Variants in ZFHX3 observed in about 807,000 individuals in gnomAD.
ZFHX3 encodes the protein zinc finger homeobox 3.
Under a neutral mutation model 279.1 loss-of-function variants are expected in ZFHX3, and 42 were observed. The observed-to-expected ratio is 0.15, with a 90% CI of 0.12 to 0.19. The LOEUF is 0.19. ZFHX3 is among the 10% of genes least tolerant of loss of function. The pLI, the probability that ZFHX3 is intolerant of heterozygous loss-of-function variation, is 1.00. For synonymous variants in ZFHX3, 2,293 were observed against 1,957.8 expected (o/e 1.17, Z -4.52); for missense variants, 4,981 against 4,754.0 (o/e 1.05, Z -1.40).
At chr16:73,253,157 A>C (rs1371097586) in intron 5 of ZFHX3, among the ~76,000 whole-genome samples, 1 of 152,168 alleles carries the variant, frequency 6.6e-6, no homozygotes, top group Non-Finnish European at 1.5e-5. Flanking sequence ...CGTTTGCTCA[A>C]GGACTCCTCC....
intron 2 of ZFHX3, among the ~76,000 whole-genome samples, chr16:73,664,111 T>C (rs2052811700): frequency 6.6e-6 from 1 of 152,228 alleles, no homozygotes; most frequent in Non-Finnish European, 1.5e-5. Flanking sequence ...AGGAAAGAAG[T>C]GTGAGAAAAA....
chr16:73,246,922 G>T (rs1169953462), intron 5 of ZFHX3, among the ~76,000 whole-genome samples: 2 of 152,134 alleles, frequency 1.3e-5, no homozygotes, highest in African/African-American at 4.8e-5. Flanking sequence ...ACTCCTTCAT[G>T]TATGTGTGTA....
chr16:72,912,529 G>A lies in ZFHX3; in HGVS notation c.3217-22567C>T, dbSNP rs558351290. Among the ~76,000 whole-genome samples, 52 of 152,216 alleles carry A rather than the reference G, an allele frequency of 3.4e-4. 1 individual carries two copies. In the South Asian group the frequency reaches 9.1e-3, roughly 27 times the overall value. ...CTAAAAGGTTGGAAGCTTCTAAGGC[G>A]TATGATCAGAATGGGAGTCAAAAAG... On this transcript the variant is annotated intron_variant, in intron 3 of 9. Transcript: ENST00000268489.
intron 1 of ZFHX3, among the ~76,000 whole-genome samples, chr16:73,017,797 C>T (rs1009108516): frequency 3.3e-5 from 5 of 152,172 alleles, no homozygotes; most frequent in Admixed American, 2.6e-4. Context: ...TAGGGGTAAG[C>T]AGCAAACCAA....
At chr16:73,547,638 C>G (rs553316862) in intron 2 of ZFHX3, among the ~76,000 whole-genome samples, 1 of 152,238 alleles carries the variant, frequency 6.6e-6, no homozygotes, top group African/African-American at 2.4e-5. Flanking sequence ...TTTCATAATA[C>G]AAGGTCGACT....
intron 1 of ZFHX3, among the ~76,000 whole-genome samples, chr16:73,007,255 T>G (rs1963741276): frequency 6.6e-6 from 1 of 152,224 alleles, no homozygotes; most frequent in African/African-American, 2.4e-5. Flanking sequence ...ATCTTCAGCT[T>G]TCTTTTTGTG....
chr16:73,423,932 T>C (rs1332170464), intron 3 of ZFHX3, among the ~76,000 whole-genome samples: 2 of 151,446 alleles, frequency 1.3e-5, no homozygotes, highest in Non-Finnish European at 2.9e-5. Context: ...CAATATTGGG[T>C]CTCTGTGAGA....
intron 2 of ZFHX3, among the ~76,000 whole-genome samples, chr16:73,496,325 G>A (rs1250120349): frequency 6.6e-6 from 1 of 152,222 alleles, no homozygotes; most frequent in Non-Finnish European, 1.5e-5. Flanking sequence ...GAGGTCAGGA[G>A]TTTGAGACCA....
chr16:72,870,785 T>C (rs1021691988), intron 4 of ZFHX3, among the ~76,000 whole-genome samples: 6 of 151,812 alleles, frequency 4.0e-5, no homozygotes, highest in Non-Finnish European at 7.4e-5. Flanking sequence ...ATCTAAGATA[T>C]TCTTTTCATA....
At chr16:73,642,230 C>G (rs866170170) in intron 2 of ZFHX3, among the ~76,000 whole-genome samples, 1 of 152,190 alleles carries the variant, frequency 6.6e-6, no homozygotes, top group African/African-American at 2.4e-5. Context: ...TCCTACTCTA[C>G]GATGGATTCT....
chr16:73,479,140 C>A (rs776322152), intron 2 of ZFHX3, among the ~76,000 whole-genome samples: 2 of 152,104 alleles, frequency 1.3e-5, no homozygotes, highest in Non-Finnish European at 2.9e-5. Context: ...CCCTATCCAC[C>A]CTCCCTTCCT....
chr16:73,717,908 G>A (rs1034414754), intron 1 of ZFHX3, among the ~76,000 whole-genome samples: 2 of 152,210 alleles, frequency 1.3e-5, no homozygotes, highest in Admixed American at 1.3e-4. Context: ...CTGGTGTAAA[G>A]AGCACAACAG....
intron 2 of ZFHX3, among the ~76,000 whole-genome samples, chr16:73,605,608 C>A (rs1377115729): frequency 6.7e-6 from 1 of 149,892 alleles, no homozygotes; most frequent in South Asian, 2.1e-4. Flanking sequence ...AAAAAGCAAG[C>A]GGATATCTGC....
intron 1 of ZFHX3, among the ~76,000 whole-genome samples, chr16:73,811,643 C>T (rs1243284451): frequency 6.6e-6 from 1 of 151,984 alleles, no homozygotes; most frequent in East Asian, 1.9e-4. Context: ...GATGGGGTTT[C>T]ACCATGTTGG....
At chr16:73,239,231 A>G (rs2013045016) in intron 5 of ZFHX3, among the ~76,000 whole-genome samples, 1 of 152,354 alleles carries the variant, frequency 6.6e-6, no homozygotes, top group Admixed American at 6.5e-5. Flanking sequence ...ACCGTTTCCC[A>G]TAGAGAAAAA....
chr16:73,435,208 A>G (rs893037214), intron 3 of ZFHX3, among the ~76,000 whole-genome samples: 1 of 151,788 alleles, frequency 6.6e-6, no homozygotes. Flanking sequence ...GATATTTTGA[A>G]CCAATTCATT....
intron 1 of ZFHX3, among the ~76,000 whole-genome samples, chr16:72,966,746 C>G (rs916812809): frequency 1.3e-5 from 2 of 152,190 alleles, no homozygotes; most frequent in Non-Finnish European, 2.9e-5. Flanking sequence ...CTGCCACAGG[C>G]AAGTGGGTTT....
chr16:73,592,442 G>T (rs1389304677), intron 2 of ZFHX3, among the ~76,000 whole-genome samples: 1 of 152,072 alleles, frequency 6.6e-6, no homozygotes, highest in African/African-American at 2.4e-5. Flanking sequence ...GGTTCATTAT[G>T]CTATTTCTTT....
At chr16:73,047,049 A>C (rs1411923902) in intron 1 of ZFHX3, among the ~76,000 whole-genome samples, 1 of 152,220 alleles carries the variant, frequency 6.6e-6, no homozygotes, top group Non-Finnish European at 1.5e-5. Flanking sequence ...TTTTCCTATC[A>C]TAACACAGGT....
Sources: gnomAD v4.1 joint callset for allele counts (sites outside exome capture counted in the v4.1 genomes callset) on GRCh38, gnomAD v4.1.1 for gene constraint, MANE v1.5 for transcripts, NCBI Gene and HGNC (gene_info 2026-07-23, HGNC 2026-07-21) for gene names.